Variants in COL22A1 observed in about 807,000 individuals in gnomAD.
COL22A1 encodes the protein collagen alpha-1(XXII) chain.
In COL22A1, 221 loss-of-function variants were observed where a neutral mutation model predicts 248.9. That is an observed-to-expected ratio of 0.89 (90% confidence interval 0.80 to 0.99). The LOEUF is 0.99. Ranked by LOEUF, COL22A1 falls within the 50% of genes least tolerant of loss-of-function variation. The pLI is 0.00. For missense variants in COL22A1, 2,240 were observed against 2,179.0 expected (o/e 1.03, Z -0.56); for synonymous variants, 891 against 793.4 (o/e 1.12, Z -2.07).
intron 12 of COL22A1, among the ~76,000 whole-genome samples, chr8:138,790,598 C>A (rs1815947505): frequency 6.6e-6 from 1 of 152,204 alleles, no homozygotes; most frequent in Non-Finnish European, 1.5e-5. Context: ...TCAGTTAAAG[C>A]CTGCCTTTGA....
chr8:138,793,052 G>T (rs1220422654), intron 12 of COL22A1, among the ~76,000 whole-genome samples: 1 of 152,188 alleles, frequency 6.6e-6, no homozygotes. Flanking sequence ...CCTGGTACAT[G>T]CAGAAGCCAA....
At chr8:138,701,174 C>A (rs1827935003) in intron 31 of COL22A1, among the ~76,000 whole-genome samples, 1 of 152,138 alleles carries the variant, frequency 6.6e-6, no homozygotes, top group South Asian at 2.1e-4. Flanking sequence ...TCCCTCTCCA[C>A]CATGCAAATA....
At chr8:138,897,126 C>A (rs2132136647) in intron 1 of COL22A1, among the ~76,000 whole-genome samples, 1 of 152,304 alleles carries the variant, frequency 6.6e-6, no homozygotes, top group East Asian at 1.9e-4. Flanking sequence ...GAGGCTAAAT[C>A]ATTCATTTTT....
chr8:138,839,728 G>C (rs1164615750), intron 4 of COL22A1, among the ~76,000 whole-genome samples: 1 of 152,146 alleles, frequency 6.6e-6, no homozygotes, highest in Non-Finnish European at 1.5e-5. Context: ...GGCCCAAGTG[G>C]GAAGAGAGAG....
chr8:138,606,265 C>A, intron 58 of COL22A1, 116 bp downstream of exon 58: 3 of 940,426 alleles, frequency 3.2e-6, no homozygotes, highest in Non-Finnish European at 4.9e-6. Context: ...CCACACAGGT[C>A]ATCATGGCCT....
At chr8:138,597,017 G>A (rs1817598351) in intron 61 of COL22A1, 47 bp from the exon 62 acceptor site, 1 of 1,537,086 alleles carries the variant, frequency 6.5e-7, no homozygotes, top group African/African-American at 1.4e-5. Context: ...AGTAACTTCT[G>A]CCACCTAAGA....
intron 54 of COL22A1, 131 bp from the exon 55 acceptor site, chr8:138,616,185 C>A (rs1031405341): frequency 2.6e-6 from 2 of 765,340 alleles, no homozygotes; most frequent in Non-Finnish European, 4.5e-6. Flanking sequence ...TACGCAGAGC[C>A]CCAGCCCTGA....
At chr8:138,761,906 G>A (rs1030884770) in intron 17 of COL22A1, among the ~76,000 whole-genome samples, 4 of 152,030 alleles carry the variant, frequency 2.6e-5, no homozygotes, top group African/African-American at 4.8e-5. Context: ...ATTTTCCCCC[G>A]ACACCATTCC....
At chr8:138,640,091 C>T (rs930007385) in intron 47 of COL22A1, among the ~76,000 whole-genome samples, 4 of 152,192 alleles carry the variant, frequency 2.6e-5, no homozygotes, top group Non-Finnish European at 5.9e-5. Flanking sequence ...AGTAAGATTT[C>T]TTTCAGTCTT....
chr8:138,857,124 C>CTT (rs1822094023), intron 3 of COL22A1, among the ~76,000 whole-genome samples: 1 of 152,030 alleles, frequency 6.6e-6, no homozygotes, highest in African/African-American at 2.4e-5. Flanking sequence ...TGCACTCCTG[C>CTT]CTCTGCCCAC....
chr8:138,888,187 C>T (rs570815806), intron 1 of COL22A1, among the ~76,000 whole-genome samples: 10 of 152,308 alleles, frequency 6.6e-5, no homozygotes, highest in African/African-American at 1.2e-4. Context: ...TGACACTGAG[C>T]CTACCCTGCA....
intron 37 of COL22A1, among the ~76,000 whole-genome samples, chr8:138,686,362 G>A (rs1193442764): frequency 2.6e-5 from 4 of 152,304 alleles, no homozygotes; most frequent in East Asian, 1.9e-4. Flanking sequence ...TGAGCCCCGC[G>A]AACCAGACGG....
chr8:138,661,055 C>G (rs1259711660), intron 43 of COL22A1, among the ~76,000 whole-genome samples: 1 of 147,796 alleles, frequency 6.8e-6, no homozygotes, highest in Non-Finnish European at 1.5e-5. Flanking sequence ...CACACACACG[C>G]ACACACACCC....
At chr8:138,625,325 T>C (rs1421861697) in intron 51 of COL22A1, among the ~76,000 whole-genome samples, 1 of 151,028 alleles carries the variant, frequency 6.6e-6, no homozygotes, top group African/African-American at 2.4e-5. Context: ...ATTCTGGGAA[T>C]CAAAAAAAAA....
chr8:138,862,921 A>T (rs952865968), intron 3 of COL22A1, among the ~76,000 whole-genome samples: 3 of 152,162 alleles, frequency 2.0e-5, no homozygotes, highest in African/African-American at 7.2e-5. Flanking sequence ...CTTCACAGTC[A>T]TAGGTGGGCT....
chr8:138,717,288 CA>C (rs1244352889), intron 27 of COL22A1, among the ~76,000 whole-genome samples: 1 of 151,994 alleles, frequency 6.6e-6, no homozygotes, highest in African/African-American at 2.4e-5. Context: ...GCTGGGACTA[CA>C]GGTGCCTGCC....
At chr8:138,886,936 T>C (rs906802406) in intron 1 of COL22A1, among the ~76,000 whole-genome samples, 2 of 152,176 alleles carry the variant, frequency 1.3e-5, no homozygotes, top group East Asian at 1.9e-4. Context: ...TGTGAGTACA[T>C]AGTGGGTGTA....
At chr8:138,739,524 A>T (rs1831390824) in intron 22 of COL22A1, among the ~76,000 whole-genome samples, 1 of 152,202 alleles carries the variant, frequency 6.6e-6, no homozygotes, top group Non-Finnish European at 1.5e-5. Context: ...CAGATGCACC[A>T]TTGGCGTTTG....
chr8:138,713,472 T>C (rs1027439196), intron 30 of COL22A1, among the ~76,000 whole-genome samples: 1 of 152,332 alleles, frequency 6.6e-6, no homozygotes, highest in Non-Finnish European at 1.5e-5. Flanking sequence ...ACGGAACCCA[T>C]GATTTCCCCG....
Sources: allele counts gnomAD v4.1 joint callset (sites outside exome capture counted in the v4.1 genomes callset), GRCh38; gene constraint gnomAD v4.1.1; transcripts MANE v1.5; gene names NCBI Gene and HGNC (gene_info 2026-07-23, HGNC 2026-07-21).